The following DCAF8 variants were observed in gnomAD, a reference collection of about 807,000 sequenced individuals.
DCAF8 encodes DDB1 and CUL4 associated factor 8.
DCAF8 carries 20 observed loss-of-function variants against 68.0 expected under a neutral mutation model. That is an observed-to-expected ratio of 0.29 (90% confidence interval 0.21 to 0.43). The LOEUF (loss-of-function observed/expected upper bound fraction) is 0.43, where lower values mean the gene tolerates loss of function less well. DCAF8 is among the 20% of genes least tolerant of loss of function. DCAF8 has a pLI of 1.00. For synonymous variants in DCAF8, 230 were observed against 276.9 expected (o/e 0.83, Z 1.68); for missense variants, 460 against 771.0 (o/e 0.60, Z 4.78).
At chr1:160,262,219 G>A (rs755106390) in intron 1 of DCAF8, 3 of 397,902 alleles carry the variant, frequency 7.5e-6, no homozygotes, top group Middle Eastern at 6.2e-4. Flanking sequence ...CCATCCTTAG[G>A]GGAAACCGGC....
At chr1:160,225,227 T>G (rs1655422636) in intron 8 of DCAF8, 108 bp from the exon 9 acceptor site, 2 of 1,054,202 alleles carry the variant, frequency 1.9e-6, no homozygotes, top group South Asian at 1.5e-5. Flanking sequence ...CCCAGAGATT[T>G]GAGAAAGACA....
chr1:160,218,078 C>T, intron 13 of DCAF8: 4 of 538,828 alleles, frequency 7.4e-6, no homozygotes, highest in Non-Finnish European at 1.3e-5. Flanking sequence ...TTCCCTCCTC[C>T]ACCCTCCAGC....
intron 2 of DCAF8, among the ~76,000 whole-genome samples, chr1:160,258,152 G>C (rs1369529035): frequency 6.6e-6 from 1 of 151,962 alleles, no homozygotes; most frequent in East Asian, 1.9e-4. Context: ...TTTGAAACCA[G>C]CCTGGGCAAT....
chr1:160,249,305 T>G (rs1030452559), intron 2 of DCAF8, among the ~76,000 whole-genome samples: 1 of 152,198 alleles, frequency 6.6e-6, no homozygotes, highest in East Asian at 1.9e-4. Context: ...AAACACTTAT[T>G]TGAATGGTCA....
intron 4 of DCAF8, chr1:160,239,230 A>G (rs749829097): frequency 9.0e-7 from 1 of 1,105,398 alleles, no homozygotes; most frequent in Non-Finnish European, 1.1e-6. Flanking sequence ...GCTAACATTT[A>G]TCAAATGTTT....
intron 1 of DCAF8, chr1:160,262,175 C>T (rs1657123774): frequency 2.5e-6 from 1 of 396,524 alleles, no homozygotes; most frequent in African/African-American, 2.1e-5. Context: ...AAGGAAAAGA[C>T]CTGAGCGCTA....
intron 2 of DCAF8, among the ~76,000 whole-genome samples, chr1:160,256,150 G>A (rs1175949024): frequency 6.6e-6 from 1 of 151,200 alleles, no homozygotes; most frequent in Non-Finnish European, 1.5e-5. Flanking sequence ...ACTGCACCTG[G>A]CTAAGAGAAC....
chr1:160,238,494 T>C, intron 5 of DCAF8, 113 bp downstream of exon 5: 1 of 1,187,008 alleles, frequency 8.4e-7, no homozygotes, highest in South Asian at 1.8e-5. Context: ...CTGAAAGAGG[T>C]GAGGCACATG....
chr1:160,224,663 G>A, intron 9 of DCAF8, 114 bp from the exon 10 acceptor site: 3 of 759,076 alleles, frequency 4.0e-6, no homozygotes, highest in East Asian at 2.5e-5. Context: ...ATACCCAGGT[G>A]TAGCACCCAT....
intron 1 of DCAF8, 185 bp downstream of exon 1, chr1:160,262,264 C>A: frequency 2.5e-6 from 1 of 398,994 alleles, no homozygotes; most frequent in Non-Finnish European, 4.4e-6. Flanking sequence ...CGAGCCGGAA[C>A]GAGACACAGA....
chr1:160,251,631 C>A (rs1167762166), intron 2 of DCAF8, among the ~76,000 whole-genome samples: 1 of 152,134 alleles, frequency 6.6e-6, no homozygotes, highest in Non-Finnish European at 1.5e-5. Context: ...TACTGCCACA[C>A]TCAGCTAAAT....
chr1:160,240,190 T>C lies in DCAF8; in HGVS notation c.230A>G (p.Asp77Gly). 6.2e-7 allele frequency: 1 copy of C among 1,613,976 alleles called. No individual in the cohort carries two copies. Among genetic ancestry groups the C allele is most frequent in the Non-Finnish European group, 8.5e-7 (1 of 1,179,958 alleles). The change falls in exon 4 of 14, where the codon GAC (aspartate) becomes GGC (glycine). Residue 77 changes from aspartate to glycine, a missense_variant. Asp to Gly is a moderately conservative substitution (Grantham distance 94). Transcript: ENST00000368074. ...TDTESSGEDKDSDSMEDTGHY... is the reference protein window; with the variant it reads ...TDTESSGEDKGSDSMEDTGHY... ...ACCAGTGTCCTCCATGCTGTCAGAG[T>C]CCTTATCTTCACCTGAGCTCTCTGT...
In DCAF8 at chr1:160,238,753, G is replaced by A. The variant is rs371081800; in HGVS notation, c.724-6C>T. 3 of 1,586,022 alleles carry A rather than the reference G, an allele frequency of 1.9e-6. No individual in the cohort carries two copies. The African/African-American group carries it at 4.1e-5, about 22-fold the overall frequency. On this transcript the variant is annotated splice_polypyrimidine_tract_variant and splice_region_variant and intron_variant, in intron 4 of 13. Coordinates refer to ENST00000368074, the MANE Select transcript of DCAF8 (RefSeq NM_015726.4). Reference sequence around the variant, plus strand: ...CTGTTAGGAAGAAACTTGGCCTGGGGTGTTAAAAATGAAAAAAAGGACACA... The same window carrying A: ...CTGTTAGGAAGAAACTTGGCCTGGGATGTTAAAAATGAAAAAAAGGACACA...
rs1477155036 is a variant in DCAF8 at position 160,224,494 on chromosome 1, A to C, written c.1257T>G (p.Ser419Arg). 6.2e-7 allele frequency: 1 copy of C among 1,614,122 alleles called. No homozygotes were observed. Among genetic ancestry groups the C allele is most frequent in the Admixed American group, 1.7e-5 (1 of 60,016 alleles). Reference protein sequence around the residue: ...EDIYLFNSSHSDGAQYVKRYK... With the variant: ...EDIYLFNSSHRDGAQYVKRYK... Reference sequence around the variant, plus strand: ...ATCTCTTAACATACTGGGCCCCATCACTGTGAGAGGAGTTGAAGAGGTAAA... The same window carrying C: ...ATCTCTTAACATACTGGGCCCCATCCCTGTGAGAGGAGTTGAAGAGGTAAA... The change falls in exon 10 of 14, where the codon AGT (serine) becomes AGG (arginine). Residue 419 changes from serine to arginine, a missense_variant. Around this residue, in one of 8 missense-constraint regions of DCAF8, gnomAD observed 16 missense variants for 17.3 expected, o/e 0.93. Coordinates refer to ENST00000368074, the MANE Select transcript of DCAF8 (RefSeq NM_015726.4).
intron 7 of DCAF8, among the ~76,000 whole-genome samples, chr1:160,230,469 T>C (rs917421779): frequency 1.3e-5 from 2 of 152,182 alleles, no homozygotes; most frequent in Admixed American, 6.5e-5. Context: ...CCTTAGGTCA[T>C]GTCTCAAGAG....
chr1:160,221,322 T>A (rs1226288932), intron 11 of DCAF8: 1 of 152,234 alleles, frequency 6.6e-6, no homozygotes, highest in African/African-American at 2.4e-5. Context: ...TCAAGTGTTT[T>A]GGGTTTGTTC....
chr1:160,246,698 C>T (rs1656354817), intron 2 of DCAF8, among the ~76,000 whole-genome samples: 1 of 152,104 alleles, frequency 6.6e-6, no homozygotes, highest in Non-Finnish European at 1.5e-5. Flanking sequence ...AAAATCTTTT[C>T]CAGCCAGGCA....
At position 160,216,935 on chromosome 1, in the gene DCAF8, T is replaced by A. The variant is rs180997028; in HGVS notation, c.*657A>T. ...TCCCTCACCTGACCTATTTAGGGGG[T>A]GATGGGATGAAGAGAAGAGAGTGAA... On this transcript the variant is annotated 3_prime_UTR_variant, in exon 14 of 14. Transcript: ENST00000368074. The A allele has an allele frequency of 2.5e-3, 379 of 151,890 alleles. 1 individual carries two copies. Among genetic ancestry groups the A allele is most frequent in the Middle Eastern group, 0.01 (3 of 294 alleles). 9.4% of individuals were successfully genotyped at this position (151,890 alleles called of 1,614,324 possible). A position where few individuals can be genotyped will look rare whatever the true frequency, so the allele number is the denominator to read the frequency against.
intron 5 of DCAF8, 92 bp downstream of exon 5, chr1:160,238,515 A>G: frequency 2.9e-6 from 4 of 1,390,444 alleles, no homozygotes; most frequent in Non-Finnish European, 3.8e-6. Context: ...ACCACAACAA[A>G]TGTGACACAA....
Sources: allele counts gnomAD v4.1 joint callset (sites outside exome capture counted in the v4.1 genomes callset), GRCh38; gene constraint gnomAD v4.1.1; regional missense constraint gnomAD v4.1.1; transcripts MANE v1.5; gene names NCBI Gene and HGNC (gene_info 2026-07-23, HGNC 2026-07-21).